EPHB1: variants seen among roughly 807,000 people sequenced by gnomAD.
EPHB1 encodes the protein EPH receptor B1.
In EPHB1, 30 loss-of-function variants were observed where a neutral mutation model predicts 94.4. The ratio of observed to expected loss-of-function variants is 0.32; its 90% CI spans 0.24 to 0.43. The LOEUF is 0.43. EPHB1 is among the 20% of genes least tolerant of loss of function. The pLI, the probability that EPHB1 is intolerant of heterozygous loss-of-function variation, is 1.00. For synonymous variants in EPHB1, 522 were observed against 489.1 expected (o/e 1.07, Z -0.89); for missense variants, 1,055 against 1,308.3 (o/e 0.81, Z 2.99).
Position 134,951,495 on chromosome 3 carries a change from A to G in EPHB1, c.248A>G (p.His83Arg), listed in dbSNP as rs376332138. ...ACCTTCATCAACCGGCGGGGGGCCC[A>G]TCGCATCTACACAGAGATGCGCTTC... Reference protein sequence around the residue: ...LTTFINRRGAHRIYTEMRFTV... With the variant: ...LTTFINRRGARRIYTEMRFTV... Residue 83 changes from histidine to arginine, a missense_variant, in exon 3 of 16, where the codon CAT (histidine) becomes CGT (arginine). By Grantham distance (29) the His-to-Arg change is conservative (BLOSUM62 0). Coordinates refer to ENST00000398015, the MANE Select transcript of EPHB1 (RefSeq NM_004441.5). This position sits in a 1 kb window ranked among gnomAD's most constrained non-coding sequence, Gnocchi z 4.5. 4.3e-6 allele frequency: 7 copies of G among 1,611,864 alleles called. No individual in the cohort carries two copies. The highest frequency in any genetic ancestry group is 4.0e-5 in the African/African-American group (3 of 74,228).
intron 3 of EPHB1, among the ~76,000 whole-genome samples, chr3:135,051,752 G>A (rs1019614917): frequency 1.2e-4 from 19 of 152,128 alleles, no homozygotes; most frequent in African/African-American, 2.9e-4. Flanking sequence ...ATTTTTTCAC[G>A]TTCCATGCCT....
Position 134,795,545 on chromosome 3 carries a change from C to A in EPHB1, c.-87C>A. On this transcript the variant is annotated 5_prime_UTR_variant, in exon 1 of 16. Coordinates refer to ENST00000398015, the MANE Select transcript of EPHB1 (RefSeq NM_004441.5). Reference sequence around the variant, plus strand: ...CGAAAGGATACCGAGAAGCCACCCGCGGAGAGCGCAGCGGCGCCCTGGGAC... The same window carrying A: ...CGAAAGGATACCGAGAAGCCACCCGAGGAGAGCGCAGCGGCGCCCTGGGAC... 7.6e-7 allele frequency: 1 copy of A among 1,308,406 alleles called. No homozygotes were observed. 81.0% of individuals were successfully genotyped at this position (1,308,406 alleles called of 1,614,324 possible).
intron 4 of EPHB1, among the ~76,000 whole-genome samples, chr3:135,115,571 A>AC (rs1001681168): frequency 7.4e-5 from 11 of 149,536 alleles, no homozygotes; most frequent in Non-Finnish European, 1.3e-4. Context: ...TGCTGATTTG[A>AC]TTTTTTTTTT....
At chr3:135,193,857 C>T (rs1372575490) in intron 11 of EPHB1, among the ~76,000 whole-genome samples, 1 of 152,204 alleles carries the variant, frequency 6.6e-6, no homozygotes, top group Non-Finnish European at 1.5e-5. Flanking sequence ...AGCACAACAA[C>T]AATTTATTTT....
chr3:134,982,365 AAAG>A (rs772349454), intron 3 of EPHB1, among the ~76,000 whole-genome samples: 79 of 152,174 alleles, frequency 5.2e-4, no homozygotes, highest in Non-Finnish European at 6.3e-4. Flanking sequence ...AAAGAAGGAA[AAAG>A]AAGGAGGAGT....
intron 1 of EPHB1, among the ~76,000 whole-genome samples, chr3:134,897,987 A>G (rs1236370100): frequency 6.6e-6 from 1 of 152,192 alleles, no homozygotes; most frequent in Non-Finnish European, 1.5e-5. Flanking sequence ...AATAATCCTT[A>G]GGTTCCATGA....
chr3:135,097,074 C>G (rs1312575213), intron 3 of EPHB1, among the ~76,000 whole-genome samples: 1 of 141,942 alleles, frequency 7.0e-6, no homozygotes, highest in Non-Finnish European at 1.5e-5. Context: ...CCAGCCTGGG[C>G]CACAGAGCAA....
intron 1 of EPHB1, among the ~76,000 whole-genome samples, chr3:134,873,311 G>C (rs1488962649): frequency 6.6e-6 from 1 of 152,136 alleles, no homozygotes; most frequent in Admixed American, 6.5e-5. Context: ...TGCTATTAAG[G>C]ATTTGTAATT....
intron 15 of EPHB1, among the ~76,000 whole-genome samples, chr3:135,253,574 C>G (rs1933227165): frequency 6.6e-6 from 1 of 150,592 alleles, no homozygotes; most frequent in Non-Finnish European, 1.5e-5. Context: ...TGATCTATAT[C>G]TCTGTTTTGG....
chr3:135,247,754 G>A (rs1175570351), intron 13 of EPHB1, among the ~76,000 whole-genome samples: 2 of 152,214 alleles, frequency 1.3e-5, no homozygotes, highest in African/African-American at 4.8e-5. Context: ...GCTGCCTCAT[G>A]AGGAATATGG....
chr3:135,227,986 A>G (rs1481509166), intron 12 of EPHB1, among the ~76,000 whole-genome samples: 1 of 152,138 alleles, frequency 6.6e-6, no homozygotes, highest in African/African-American at 2.4e-5. Context: ...CGTATTTCCT[A>G]AGAATAGGGA....
At chr3:135,040,387 C>CGA (rs1447515170) in intron 3 of EPHB1, among the ~76,000 whole-genome samples, 1 of 152,228 alleles carries the variant, frequency 6.6e-6, no homozygotes, top group Non-Finnish European at 1.5e-5. Flanking sequence ...AATAGCTCCC[C>CGA]ACATGCAGTG....
chr3:135,038,343 T>C (rs1936713972), intron 3 of EPHB1, among the ~76,000 whole-genome samples: 1 of 152,174 alleles, frequency 6.6e-6, no homozygotes, highest in South Asian at 2.1e-4. Context: ...CCGTTCCGAG[T>C]CTTGCCTTTA....
chr3:135,172,191 G>A (rs1160484318), intron 9 of EPHB1, among the ~76,000 whole-genome samples: 3 of 152,278 alleles, frequency 2.0e-5, no homozygotes, highest in South Asian at 2.1e-4. Context: ...AAAGAGACTT[G>A]GAAATGCCAG....
chr3:135,108,118 A>G (rs1012829639), intron 4 of EPHB1, among the ~76,000 whole-genome samples: 1 of 152,016 alleles, frequency 6.6e-6, no homozygotes, highest in Non-Finnish European at 1.5e-5. Context: ...GCTCCTTTCC[A>G]TTCCTTCTCA....
chr3:134,895,717 G>T (rs1244419325), intron 1 of EPHB1, among the ~76,000 whole-genome samples: 1 of 152,148 alleles, frequency 6.6e-6, no homozygotes, highest in East Asian at 1.9e-4. Flanking sequence ...TGTTAAGCAG[G>T]GCAGCTTAAA....
chr3:135,102,400 A>C (rs1200288361), intron 3 of EPHB1, among the ~76,000 whole-genome samples: 3 of 152,134 alleles, frequency 2.0e-5, no homozygotes, highest in African/African-American at 7.2e-5. Context: ...TTATCAACCC[A>C]AGTTAAAGCT....
chr3:134,915,568 G>A (rs2038548434), intron 1 of EPHB1, among the ~76,000 whole-genome samples: 1 of 152,200 alleles, frequency 6.6e-6, no homozygotes, highest in Non-Finnish European at 1.5e-5. Context: ...GGACCCTTGT[G>A]GTGAGTGTTA....
chr3:134,964,188 C>T (rs2107723370), intron 3 of EPHB1, among the ~76,000 whole-genome samples: 1 of 152,282 alleles, frequency 6.6e-6, no homozygotes, highest in East Asian at 1.9e-4. Flanking sequence ...GAAAATATCC[C>T]AGCAGCATTG....
Sources: allele counts gnomAD v4.1 joint callset (sites outside exome capture counted in the v4.1 genomes callset), GRCh38; gene constraint gnomAD v4.1.1; non-coding constraint Gnocchi (gnomAD v3.1); transcripts MANE v1.5; gene names NCBI Gene and HGNC (gene_info 2026-07-23, HGNC 2026-07-21).